The following SLC5A4 variants were observed in gnomAD, a reference collection of about 807,000 sequenced individuals.
The protein encoded by SLC5A4 is probable glucose sensor protein SLC5A4.
Under a neutral mutation model 70.3 loss-of-function variants are expected in SLC5A4, and 55 were observed. The observed-to-expected ratio is 0.78, with a 90% confidence interval of 0.63 to 0.98. SLC5A4 has a LOEUF of 0.98. SLC5A4 is among the 50% of genes least tolerant of loss of function. SLC5A4 has a pLI of 0.00. For missense variants in SLC5A4, 735 were observed against 839.2 expected (o/e 0.88, Z 1.53); for synonymous variants, 268 against 305.7 (o/e 0.88, Z 1.29).
intron 3 of SLC5A4, among the ~76,000 whole-genome samples, chr22:32,250,082 T>C (rs1248754141): frequency 6.6e-6 from 1 of 152,164 alleles, no homozygotes; most frequent in East Asian, 1.9e-4. Context: ...AGAGCTAAAA[T>C]GCTCAAGTGA....
chr22:32,262,212 G>T, the SLC5A4 span, among the ~76,000 whole-genome samples: 1 of 152,100 alleles, frequency 6.6e-6, no homozygotes, highest in Admixed American at 6.5e-5. Context: ...TGGATCACAT[G>T]GTGGCCCCAA....
intron 7 of SLC5A4, among the ~76,000 whole-genome samples, chr22:32,235,934 A>G (rs1032696469): frequency 5.9e-5 from 9 of 152,218 alleles, no homozygotes; most frequent in Admixed American, 2.6e-4. Flanking sequence ...GAGGATACAG[A>G]CAATACAAGG....
chr22:32,339,524 A>G, the SLC5A4 span, among the ~76,000 whole-genome samples: 1 of 152,196 alleles, frequency 6.6e-6, no homozygotes, highest in Non-Finnish European at 1.5e-5. Flanking sequence ...TGTTCGACGT[A>G]AACTCATGAA....
At chr22:32,292,066 G>A in the SLC5A4 span, among the ~76,000 whole-genome samples, 2 of 133,008 alleles carry the variant, frequency 1.5e-5, no homozygotes, top group South Asian at 2.3e-4. Flanking sequence ...TAGAGACGGG[G>A]TTTTAGTATA....
the SLC5A4 span, among the ~76,000 whole-genome samples, chr22:32,332,984 T>C: frequency 1.3e-5 from 2 of 152,170 alleles, no homozygotes; most frequent in African/African-American, 4.8e-5. Context: ...TTCTTACCCC[T>C]GATCAGCATC....
At chr22:32,306,615 T>TGAAGCCAGAGTTTA in the SLC5A4 span, among the ~76,000 whole-genome samples, 1 of 152,208 alleles carries the variant, frequency 6.6e-6, no homozygotes, top group Non-Finnish European at 1.5e-5. Context: ...CCTGCTCACA[T>TGAAGCCAGAGTTTA]GAAGCCAGAG....
the SLC5A4 span, among the ~76,000 whole-genome samples, chr22:32,269,107 G>A: frequency 6.6e-5 from 10 of 152,222 alleles, no homozygotes; most frequent in Admixed American, 3.3e-4. This position sits in a 1 kb window ranked among gnomAD's most constrained non-coding sequence, Gnocchi z 4.1. Context: ...TGGCCATGGC[G>A]GTCTCGAACT....
chr22:32,278,157 T>G, the SLC5A4 span, among the ~76,000 whole-genome samples: 1 of 152,210 alleles, frequency 6.6e-6, no homozygotes, highest in African/African-American at 2.4e-5. Flanking sequence ...AATTTTGAAC[T>G]ATGACAACTA....
chr22:32,265,821 T>C, the SLC5A4 span, among the ~76,000 whole-genome samples: 1 of 152,198 alleles, frequency 6.6e-6, no homozygotes, highest in South Asian at 2.1e-4. Flanking sequence ...GCCTGGGTGA[T>C]GGAGTGGGAC....
At chr22:32,312,257 A>T in the SLC5A4 span, among the ~76,000 whole-genome samples, 1 of 152,092 alleles carries the variant, frequency 6.6e-6, no homozygotes, top group African/African-American at 2.4e-5. Context: ...GACACGGATG[A>T]GAACCCCCAG....
At chr22:32,326,506 C>G in the SLC5A4 span, among the ~76,000 whole-genome samples, 4 of 152,024 alleles carry the variant, frequency 2.6e-5, no homozygotes, top group Admixed American at 2.6e-4. Flanking sequence ...CCACCCGCCT[C>G]GGCCTCTCAA....
the SLC5A4 span, among the ~76,000 whole-genome samples, chr22:32,293,024 ATTCT>A: frequency 4.4e-4 from 67 of 152,214 alleles, no homozygotes; most frequent in African/African-American, 1.4e-3. Context: ...ATGAAATGTT[ATTCT>A]TTATCTTTGC....
chr22:32,303,922 A>G, the SLC5A4 span, among the ~76,000 whole-genome samples: 4 of 152,194 alleles, frequency 2.6e-5, no homozygotes, highest in Non-Finnish European at 1.5e-5. Context: ...CACAGCAGTG[A>G]ATGAGAGCTC....
At position 32,247,405 on chromosome 22, in the gene SLC5A4, A is replaced by G. The variant is rs1926889325; in HGVS notation, c.477+6T>C. The G allele has an allele frequency of 6.3e-7, 1 of 1,588,022 alleles. No individual in the cohort carries two copies. The highest frequency in any genetic ancestry group is 1.7e-5 in the Admixed American group (1 of 59,978). ...AAGCTAAAATGCCAGGAGGCTCTGA[A>G]CTCACAGAAATTAACAAAACCACAC... On this transcript the variant is annotated splice_donor_region_variant and intron_variant, in intron 5 of 14. Transcript: ENST00000266086.
intron 7 of SLC5A4, 123 bp from the exon 8 acceptor site, chr22:32,235,216 G>T: frequency 1.5e-6 from 1 of 661,392 alleles, no homozygotes; most frequent in Non-Finnish European, 2.6e-6. Context: ...AATCCTCAGT[G>T]ACCCTCTCCC....
chr22:32,312,061 G>A, the SLC5A4 span, among the ~76,000 whole-genome samples: 1 of 152,128 alleles, frequency 6.6e-6, no homozygotes, highest in African/African-American at 2.4e-5. Context: ...GAGAGGGAGA[G>A]TGCATGAAAA....
chr22:32,282,442 C>T, the SLC5A4 span, among the ~76,000 whole-genome samples: 1 of 152,128 alleles, frequency 6.6e-6, no homozygotes, highest in Non-Finnish European at 1.5e-5. Context: ...GGTAGTTCCT[C>T]CTCACTCCCT....
At chr22:32,346,819 A>G in the SLC5A4 span, among the ~76,000 whole-genome samples, 3 of 148,164 alleles carry the variant, frequency 2.0e-5, no homozygotes, top group African/African-American at 5.1e-5. Context: ...CTAAAACACC[A>G]AAAGCAATGG....
chr22:32,308,497 T>C, the SLC5A4 span, among the ~76,000 whole-genome samples: 1 of 152,186 alleles, frequency 6.6e-6, no homozygotes, highest in Non-Finnish European at 1.5e-5. Context: ...CCCACAGCCC[T>C]AGTCTGTTTG....
Sources: gnomAD v4.1 joint callset for allele counts (sites outside exome capture counted in the v4.1 genomes callset) on GRCh38, gnomAD v4.1.1 for gene constraint, Gnocchi (gnomAD v3.1) non-coding constraint, MANE v1.5 for transcripts, NCBI Gene and HGNC (gene_info 2026-07-23, HGNC 2026-07-21) for gene names.